The following HS3ST3B1 variants were observed in gnomAD, a reference collection of about 807,000 sequenced individuals.
HS3ST3B1 encodes heparan sulfate-glucosamine 3-sulfotransferase 3B1.
Under a neutral mutation model 21.3 loss-of-function variants are expected in HS3ST3B1, and 13 were observed. The observed-to-expected ratio is 0.61, with a 90% confidence interval of 0.40 to 0.97. The LOEUF is 0.97. Ranked by LOEUF, HS3ST3B1 falls within the 50% of genes least tolerant of loss-of-function variation. HS3ST3B1 has a pLI of 0.00. For missense variants in HS3ST3B1, 459 were observed against 554.8 expected (o/e 0.83, Z 1.73); for synonymous variants, 234 against 254.8 (o/e 0.92, Z 0.78).
At position 14,303,202 on chromosome 17, in the gene HS3ST3B1, C is replaced by T. The variant is rs987517387; in HGVS notation, c.554+1130C>T. Among the ~76,000 whole-genome samples the T allele has an allele frequency of 1.3e-5, 2 of 152,134 alleles. No individual in the cohort carries two copies. Among genetic ancestry groups the T allele is most frequent in the Admixed American group, 6.5e-5 (1 of 15,286 alleles). Reference sequence around the variant, plus strand: ...TTTTCGTTGGGGTCTCCACCCGTAACCCCAGCCAGCACGACATTCAGACAC... The same window carrying T: ...TTTTCGTTGGGGTCTCCACCCGTAATCCCAGCCAGCACGACATTCAGACAC... On this transcript the variant is annotated intron_variant, in intron 1 of 1. Coordinates refer to ENST00000360954, the MANE Select transcript of HS3ST3B1 (RefSeq NM_006041.3). This position sits in a 1 kb window ranked among gnomAD's most constrained non-coding sequence, Gnocchi z 5.7.
chr17:14,314,700 C>A (rs909182893), intron 1 of HS3ST3B1, among the ~76,000 whole-genome samples: 28 of 152,146 alleles, frequency 1.8e-4, no homozygotes, highest in African/African-American at 6.8e-4. Flanking sequence ...ATGGCTGGAC[C>A]TGGTGAGCCC....
chr17:14,326,354 A>G (rs1164147546), intron 1 of HS3ST3B1, among the ~76,000 whole-genome samples: 33 of 152,168 alleles, frequency 2.2e-4, no homozygotes, highest in Admixed American at 2.2e-3. Context: ...CACAACGAGA[A>G]GCTATGAACA....
intron 1 of HS3ST3B1, among the ~76,000 whole-genome samples, chr17:14,332,549 GTGGAATGGAAATCTTTCC>G (rs1463909259): frequency 1.3e-5 from 2 of 152,096 alleles, no homozygotes; most frequent in African/African-American, 4.8e-5. Flanking sequence ...ACCTGAGTAG[GTGGAATGGAAATCTTTCC>G]TGGAATGGAA....
At chr17:14,344,105 G>C (rs1910477557) in intron 1 of HS3ST3B1, among the ~76,000 whole-genome samples, 3 of 151,998 alleles carry the variant, frequency 2.0e-5, no homozygotes, top group Non-Finnish European at 2.9e-5. Flanking sequence ...TTGCCATTTT[G>C]TCCAGGCTGG....
intron 1 of HS3ST3B1, among the ~76,000 whole-genome samples, chr17:14,344,039 G>T (rs1440890499): frequency 2.0e-5 from 3 of 151,960 alleles, no homozygotes; most frequent in Non-Finnish European, 4.4e-5. Flanking sequence ...TGGGATTCCA[G>T]ACATGCACCA....
At chr17:14,323,144 G>A (rs1021039159) in intron 1 of HS3ST3B1, among the ~76,000 whole-genome samples, 17 of 152,048 alleles carry the variant, frequency 1.1e-4, no homozygotes, top group Non-Finnish European at 2.1e-4. Context: ...CTAACCTGGT[G>A]ATCCACCTGC....
chr17:14,305,088 G>A (rs1257545141), intron 1 of HS3ST3B1: 6 of 152,276 alleles, frequency 3.9e-5, no homozygotes, highest in Admixed American at 3.9e-4. Flanking sequence ...CACCGAGGTG[G>A]TGTACAGAGC....
At chr17:14,323,562 G>A (rs937884460) in intron 1 of HS3ST3B1, among the ~76,000 whole-genome samples, 14 of 151,294 alleles carry the variant, frequency 9.3e-5, no homozygotes, top group Non-Finnish European at 4.4e-5. Context: ...TTCTTTAACC[G>A]TCATGTTTTA....
At chr17:14,304,616 C>T (rs1356084911) in intron 1 of HS3ST3B1, 1 of 152,238 alleles carries the variant, frequency 6.6e-6, no homozygotes, top group Non-Finnish European at 1.5e-5. Context: ...CCTTCGCCCT[C>T]GTTGGAGTTC....
At chr17:14,307,955 C>T (rs1909187815) in intron 1 of HS3ST3B1, among the ~76,000 whole-genome samples, 1 of 152,130 alleles carries the variant, frequency 6.6e-6, no homozygotes, top group Non-Finnish European at 1.5e-5. Context: ...AAGTATGTGG[C>T]ATATTTTCAA....
intron 1 of HS3ST3B1, chr17:14,304,614 C>A: frequency 6.6e-6 from 1 of 152,346 alleles, no homozygotes. Context: ...ACCCTTCGCC[C>A]TCGTTGGAGT....
intron 1 of HS3ST3B1, among the ~76,000 whole-genome samples, chr17:14,331,527 G>C (rs1910011274): frequency 6.6e-6 from 1 of 152,126 alleles, no homozygotes; most frequent in Non-Finnish European, 1.5e-5. Flanking sequence ...TGGGGGCTGG[G>C]CGTGGAGAAA....
At chr17:14,323,330 T>C (rs954401605) in intron 1 of HS3ST3B1, among the ~76,000 whole-genome samples, 1 of 152,202 alleles carries the variant, frequency 6.6e-6, no homozygotes, top group South Asian at 2.1e-4. Context: ...TTTGCATACC[T>C]TTTTGTAGTC....
At chr17:14,314,176 T>A (rs529230958) in intron 1 of HS3ST3B1, among the ~76,000 whole-genome samples, 3 of 150,150 alleles carry the variant, frequency 2.0e-5, no homozygotes, top group Admixed American at 1.3e-4. Context: ...ACAGGGTTTC[T>A]CCATGTTGGT....
intron 1 of HS3ST3B1, chr17:14,329,367 A>AAGAAAGAAAAGGAAGGAAGGAAGG (rs1555549453): frequency 3.1e-4 from 33 of 106,206 alleles, no homozygotes; most frequent in African/African-American, 1.0e-3. Context: ...GAAAGAAAGA[A>AAGAAAGAAAAGGAAGGAAGGAAGG]AAGGAAGGAA....
At chr17:14,318,027 G>T (rs550610379) in intron 1 of HS3ST3B1, among the ~76,000 whole-genome samples, 1 of 152,198 alleles carries the variant, frequency 6.6e-6, no homozygotes, top group South Asian at 2.1e-4. Context: ...TGCAAATATG[G>T]CTGGGACATG....
chr17:14,339,786 G>A (rs1031695901), intron 1 of HS3ST3B1, among the ~76,000 whole-genome samples: 1 of 152,206 alleles, frequency 6.6e-6, no homozygotes, highest in East Asian at 1.9e-4. Flanking sequence ...CCAGCCTGGG[G>A]CTGGACAGGC....
At chr17:14,302,140 G>A (rs1445231372) in intron 1 of HS3ST3B1, 68 bp downstream of exon 1, 18 of 1,489,148 alleles carry the variant, frequency 1.2e-5, no homozygotes, top group Non-Finnish European at 1.3e-5. Context: ...GAGACATGGC[G>A]TATGATAGGG....
Position 14,303,682 on chromosome 17 carries a change from G to A in HS3ST3B1, c.554+1610G>A, listed in dbSNP as rs553363742. ...GCTGGTACGGTAAGGTGCCTCGCAG[G>A]CACGTGAGGGCCTCTCTAATCGTTA... is the stretch of plus-strand genomic sequence containing the variant. On this transcript the variant is annotated intron_variant, in intron 1 of 1. Transcript: ENST00000360954. This position sits in a 1 kb window ranked among gnomAD's most constrained non-coding sequence, Gnocchi z 5.7. Among the ~76,000 whole-genome samples the A allele has an allele frequency of 2.6e-5, 4 of 152,150 alleles. No individual in the cohort carries two copies. Among genetic ancestry groups the A allele is most frequent in the African/African-American group, 9.7e-5 (4 of 41,438 alleles).
Sources: gnomAD v4.1 joint callset for allele counts (sites outside exome capture counted in the v4.1 genomes callset) on GRCh38, gnomAD v4.1.1 for gene constraint, Gnocchi (gnomAD v3.1) non-coding constraint, MANE v1.5 for transcripts, NCBI Gene and HGNC (gene_info 2026-07-23, HGNC 2026-07-21) for gene names.